The following BASP1 variants were observed in gnomAD, a reference collection of about 807,000 sequenced individuals.
BASP1 encodes the protein brain acid soluble protein 1.
In BASP1, 1 loss-of-function variant was observed where a neutral mutation model predicts 2.2. The observed-to-expected ratio is 0.46, with a 90% CI of 0.16 to 2.17. The LOEUF is 2.17. Among genes scored for constraint, BASP1 ranks in the 30% most tolerant of loss-of-function variants. The pLI is 0.27. For missense variants in BASP1, 352 were observed against 327.2 expected (o/e 1.08, Z -0.58); for synonymous variants, 187 against 154.2 (o/e 1.21, Z -1.58).
intron 1 of BASP1, among the ~76,000 whole-genome samples, chr5:17,239,511 A>C (rs931011543): frequency 1.3e-5 from 2 of 152,334 alleles, no homozygotes; most frequent in Admixed American, 1.3e-4. Context: ...GTGTTAGTAC[A>C]TGGAACAGAA....
chr5:17,246,660 A>G (rs1383672318), intron 1 of BASP1, among the ~76,000 whole-genome samples: 1 of 152,192 alleles, frequency 6.6e-6, no homozygotes, highest in African/African-American at 2.4e-5. Context: ...AATAATGTCA[A>G]CTCACATCTC....
Position 17,236,651 on chromosome 5 carries a change from G to GAGC in BASP1, c.-10+18844_-10+18846dup, listed in dbSNP as rs755814174. Among the ~76,000 whole-genome samples the GAGC allele has an allele frequency of 1.3e-5, 2 of 152,094 alleles. No homozygotes were observed. The highest frequency in any genetic ancestry group is 2.9e-5 in the Non-Finnish European group (2 of 68,030). On this transcript the variant is annotated intron_variant, in intron 1 of 1. Coordinates refer to ENST00000322611, the MANE Select transcript of BASP1 (RefSeq NM_006317.5). The surrounding 1 kb of genome is among the most constrained non-coding windows in gnomAD (Gnocchi z 4.0). The stretch of plus-strand genomic sequence containing the variant: ...TAGATGGCTACTGAATATATCCTGA[G>GAGC]AGCAGGTCCTAAGAGTTTATTTTTC...
intron 1 of BASP1, among the ~76,000 whole-genome samples, chr5:17,246,978 G>T (rs1027200648): frequency 6.6e-6 from 1 of 152,128 alleles, no homozygotes; most frequent in African/African-American, 2.4e-5. Context: ...CCTGAGTACA[G>T]AAGTTGAAGA....
chr5:17,243,835 C>T (rs750673510), intron 1 of BASP1, among the ~76,000 whole-genome samples: 4 of 152,148 alleles, frequency 2.6e-5, no homozygotes, highest in Admixed American at 1.3e-4. Flanking sequence ...TGGTTCTCAC[C>T]GAATGCTTGT....
intron 1 of BASP1, among the ~76,000 whole-genome samples, chr5:17,271,070 C>A (rs1740520315): frequency 6.6e-6 from 1 of 152,136 alleles, no homozygotes; most frequent in South Asian, 2.1e-4. Context: ...AATCGGTAAG[C>A]CTGTCATTTT....
At chr5:17,250,795 G>T (rs1452495367) in intron 1 of BASP1, among the ~76,000 whole-genome samples, 1 of 152,076 alleles carries the variant, frequency 6.6e-6, no homozygotes, top group Admixed American at 6.6e-5. Context: ...TAGTAGAGAT[G>T]GGGTTTCACT....
chr5:17,268,168 AGCAC>A (rs2126519120), intron 1 of BASP1, among the ~76,000 whole-genome samples: 1 of 152,320 alleles, frequency 6.6e-6, no homozygotes, highest in Non-Finnish European at 1.5e-5. Context: ...TGAGTCTCAT[AGCAC>A]TTTGTTGACA....
At chr5:17,227,487 C>T (rs762926403) in intron 1 of BASP1, among the ~76,000 whole-genome samples, 68 of 151,792 alleles carry the variant, frequency 4.5e-4, no homozygotes, top group Non-Finnish European at 8.7e-4. Flanking sequence ...CTGCAACCTC[C>T]GCCTCCCAGG....
chr5:17,220,958 G>A (rs1739383012), intron 1 of BASP1, among the ~76,000 whole-genome samples: 1 of 152,108 alleles, frequency 6.6e-6, no homozygotes, highest in Non-Finnish European at 1.5e-5. Context: ...CGGTAGTTTT[G>A]TAAAAATTGC....
chr5:17,232,436 A>T (rs527426921), intron 1 of BASP1, among the ~76,000 whole-genome samples: 100 of 152,348 alleles, frequency 6.6e-4, no homozygotes, highest in African/African-American at 1.9e-3. Flanking sequence ...AACCTAATGA[A>T]GTAAAAACGA....
Position 17,236,493 on chromosome 5 carries a change from G to C in BASP1, c.-10+18683G>C, listed in dbSNP as rs1739751355. Reference sequence around the variant, plus strand: ...TTGGTCAGGCTGGTCTCAAACTCCTGACCTTAGGTGATCCGCCTGCCTCTG... The same window carrying C: ...TTGGTCAGGCTGGTCTCAAACTCCTCACCTTAGGTGATCCGCCTGCCTCTG... On this transcript the variant is annotated intron_variant, in intron 1 of 1. Coordinates refer to ENST00000322611, the MANE Select transcript of BASP1 (RefSeq NM_006317.5). This position sits in a 1 kb window ranked among gnomAD's most constrained non-coding sequence, Gnocchi z 4.0. 6.6e-6 allele frequency among the ~76,000 whole-genome samples: 1 copy of C among 152,084 alleles called. No homozygotes were observed. The highest frequency in any genetic ancestry group is 1.5e-5 in the Non-Finnish European group (1 of 68,020).
intron 1 of BASP1, among the ~76,000 whole-genome samples, chr5:17,258,935 G>T (rs533564571): frequency 2.6e-5 from 4 of 152,300 alleles, no homozygotes; most frequent in Non-Finnish European, 4.4e-5. Context: ...AATTTATAAG[G>T]AGGGACCAGA....
At chr5:17,227,162 T>G (rs1231582502) in intron 1 of BASP1, among the ~76,000 whole-genome samples, 1 of 151,696 alleles carries the variant, frequency 6.6e-6, no homozygotes, top group East Asian at 1.9e-4. Flanking sequence ...AACTCCTGAC[T>G]TCGTGATCCA....
chr5:17,270,865 G>A (rs1032741516), intron 1 of BASP1, among the ~76,000 whole-genome samples: 17 of 152,054 alleles, frequency 1.1e-4, no homozygotes, highest in Admixed American at 3.9e-4. Context: ...TAAAGGAAAC[G>A]GAAGGACGAT....
intron 1 of BASP1, among the ~76,000 whole-genome samples, chr5:17,269,436 A>T (rs1426133271): frequency 6.6e-6 from 1 of 152,286 alleles, no homozygotes; most frequent in East Asian, 1.9e-4. Flanking sequence ...ATGAATAATC[A>T]CTTCCAACCC....
In BASP1 at chr5:17,276,031, TACTA is replaced by T; in HGVS notation, c.*135_*138del. The T allele has an allele frequency of 1.4e-6, 1 of 730,780 alleles. No homozygotes were observed. The highest frequency in any genetic ancestry group is 2.0e-6 in the Non-Finnish European group (1 of 506,484). The allele number at this position is 730,780 out of a possible 1,614,324, so 45.3% of individuals were successfully genotyped here. A position where few individuals can be genotyped will look rare whatever the true frequency, so the allele number is the denominator to read the frequency against. On this transcript the variant is annotated 3_prime_UTR_variant, in exon 2 of 2. Coordinates refer to ENST00000322611, the MANE Select transcript of BASP1 (RefSeq NM_006317.5). ...CTATCTCTCCTCTCTCTCTCTCCTATACTAACTTGTTTCAAATTGGAAGTAATGA... is the reference window on the plus strand; with the variant it reads ...CTATCTCTCCTCTCTCTCTCTCCTATACTTGTTTCAAATTGGAAGTAATGA...
chr5:17,234,927 T>C (rs1350359168), intron 1 of BASP1, among the ~76,000 whole-genome samples: 1 of 152,216 alleles, frequency 6.6e-6, no homozygotes, highest in East Asian at 1.9e-4. Flanking sequence ...TGAATATCAC[T>C]GTAGAGAATA....
intron 1 of BASP1, among the ~76,000 whole-genome samples, chr5:17,271,519 A>C (rs944126567): frequency 6.6e-6 from 1 of 152,204 alleles, no homozygotes; most frequent in Non-Finnish European, 1.5e-5. Context: ...AACTGAGGTC[A>C]GTGCCTTCAG....
Position 17,236,092 on chromosome 5 carries a change from A to G in BASP1, c.-10+18282A>G, listed in dbSNP as rs1414124829. ...CGTATTTTATGTGTGGCCCAAGACA[A>G]TTCTTCCAGTGTGGCCCAGGGAAGC... On this transcript the variant is annotated intron_variant, in intron 1 of 1. Coordinates refer to ENST00000322611, the MANE Select transcript of BASP1 (RefSeq NM_006317.5). The surrounding 1 kb of genome is among the most constrained non-coding windows in gnomAD (Gnocchi z 4.0). Among the ~76,000 whole-genome samples, 2 of 152,104 alleles carry G rather than the reference A, an allele frequency of 1.3e-5. No individual in the cohort carries two copies. Among genetic ancestry groups the G allele is most frequent in the Admixed American group, 6.5e-5 (1 of 15,274 alleles).
Sources: allele counts gnomAD v4.1 joint callset (sites outside exome capture counted in the v4.1 genomes callset), GRCh38; gene constraint gnomAD v4.1.1; non-coding constraint Gnocchi (gnomAD v3.1); transcripts MANE v1.5; gene names NCBI Gene and HGNC (gene_info 2026-07-23, HGNC 2026-07-21).